The following CRACDL variants were observed in gnomAD, a reference collection of about 807,000 sequenced individuals.
CRACDL encodes CRACD-like protein.
In CRACDL, 26 loss-of-function variants were observed where a neutral mutation model predicts 70.6. The ratio of observed to expected loss-of-function variants is 0.37; its 90% CI spans 0.27 to 0.51. The LOEUF (loss-of-function observed/expected upper bound fraction) is 0.51, where lower values mean the gene tolerates loss of function less well. CRACDL is among the 20% of genes least tolerant of loss of function. The pLI is 0.94. For synonymous variants in CRACDL, 618 were observed against 615.2 expected (o/e 1.00, Z -0.07); for missense variants, 1,283 against 1,376.9 (o/e 0.93, Z 1.08).
chr2:98,833,107 C>T, intron 3 of CRACDL, 110 bp from the exon 4 acceptor site: 1 of 971,274 alleles, frequency 1.0e-6, no homozygotes. Flanking sequence ...AAACAACACT[C>T]CCTCTGCTGC....
intron 2 of CRACDL, among the ~76,000 whole-genome samples, chr2:98,839,083 TG>T (rs2104517798): frequency 6.6e-6 from 1 of 152,394 alleles, no homozygotes; most frequent in South Asian, 2.1e-4. Context: ...ACCAGGATGC[TG>T]TCTAATACAT....
At chr2:98,882,381 G>A (rs2104618093) in intron 1 of CRACDL, among the ~76,000 whole-genome samples, 1 of 152,340 alleles carries the variant, frequency 6.6e-6, no homozygotes, top group Admixed American at 6.5e-5. Flanking sequence ...CTATCCCCTG[G>A]CAAGAGTGGC....
chr2:98,812,882 A>G (rs1206823146), intron 7 of CRACDL, among the ~76,000 whole-genome samples: 1 of 152,200 alleles, frequency 6.6e-6, no homozygotes, highest in Non-Finnish European at 1.5e-5. Flanking sequence ...TGTCCAATTC[A>G]TCAAATTTTC....
At chr2:98,898,167 C>T (rs921962566) in intron 1 of CRACDL, among the ~76,000 whole-genome samples, 1 of 152,234 alleles carries the variant, frequency 6.6e-6, no homozygotes, top group African/African-American at 2.4e-5. Flanking sequence ...GGAAAATCCT[C>T]TGTTGGTCCC....
intron 7 of CRACDL, among the ~76,000 whole-genome samples, chr2:98,805,011 A>G (rs1028737086): frequency 7.9e-5 from 12 of 152,198 alleles, no homozygotes; most frequent in Admixed American, 3.3e-4. Flanking sequence ...GAGTCTAGAC[A>G]GGAATGATTT....
intron 3 of CRACDL, 94 bp downstream of exon 3, chr2:98,838,025 G>A (rs1705869837): frequency 7.3e-6 from 8 of 1,097,808 alleles, no homozygotes; most frequent in Non-Finnish European, 9.0e-6. Context: ...AATTACCCAG[G>A]AGGAAAGGGG....
In CRACDL at chr2:98,796,926, A is replaced by G. The variant is rs192234561; in HGVS notation, c.2604+424T>C. On this transcript the variant is annotated intron_variant, in intron 8 of 9. Transcript: ENST00000397899. ...AGCTCCAGCATGTGGCCGGTGGAGCAGCAAAGAGCAGGGCTCGCTCCTCAC... is the reference window on the plus strand; with the variant it reads ...AGCTCCAGCATGTGGCCGGTGGAGCGGCAAAGAGCAGGGCTCGCTCCTCAC... 4.5e-3 allele frequency among the ~76,000 whole-genome samples: 686 copies of G among 152,316 alleles called. 1 individual carries two copies. The highest frequency in any genetic ancestry group is 0.015 in the African/African-American group (610 of 41,576).
At chr2:98,880,825 G>A (rs780973573) in intron 1 of CRACDL, among the ~76,000 whole-genome samples, 6 of 152,228 alleles carry the variant, frequency 3.9e-5, no homozygotes, top group Non-Finnish European at 7.3e-5. Flanking sequence ...TGGCCACTGT[G>A]ACAGATGGTC....
intron 1 of CRACDL, among the ~76,000 whole-genome samples, chr2:98,870,330 T>G (rs866510108): frequency 6.6e-6 from 1 of 152,240 alleles, no homozygotes; most frequent in South Asian, 2.1e-4. Flanking sequence ...AAATGGCAAC[T>G]GTATATAGAA....
At chr2:98,882,726 T>C (rs1707687800) in intron 1 of CRACDL, among the ~76,000 whole-genome samples, 1 of 152,074 alleles carries the variant, frequency 6.6e-6, no homozygotes, top group African/African-American at 2.4e-5. Context: ...GCTGGCTGAG[T>C]GATGTCAAAC....
intron 1 of CRACDL, among the ~76,000 whole-genome samples, chr2:98,899,601 T>G (rs922077070): frequency 6.6e-6 from 1 of 151,716 alleles, no homozygotes; most frequent in Non-Finnish European, 1.5e-5. Flanking sequence ...GAGCAAGATG[T>G]GCTCAGCAGT....
chr2:98,882,567 G>T (rs1276820486), intron 1 of CRACDL, among the ~76,000 whole-genome samples: 1 of 152,226 alleles, frequency 6.6e-6, no homozygotes, highest in African/African-American at 2.4e-5. Flanking sequence ...TGGGGACTCT[G>T]TTGGGAGTCC....
At chr2:98,862,565 T>C (rs1382888225) in intron 1 of CRACDL, among the ~76,000 whole-genome samples, 2 of 152,036 alleles carry the variant, frequency 1.3e-5, no homozygotes, top group South Asian at 2.1e-4. Context: ...CCAAACAAAA[T>C]TGAAATATCA....
intron 1 of CRACDL, among the ~76,000 whole-genome samples, chr2:98,888,855 C>T (rs888229977): frequency 5.9e-5 from 9 of 152,208 alleles, no homozygotes; most frequent in East Asian, 1.9e-4. Context: ...CCAAGCCGGG[C>T]GCAGTGGCTC....
chr2:98,834,411 C>A (rs1705680955), intron 3 of CRACDL, among the ~76,000 whole-genome samples: 1 of 152,186 alleles, frequency 6.6e-6, no homozygotes, highest in South Asian at 2.1e-4. Flanking sequence ...AAGGTCTCTA[C>A]ACGCTGCATG....
intron 1 of CRACDL, among the ~76,000 whole-genome samples, chr2:98,891,383 A>AAAAAAAAAAAAC (rs1707976277): frequency 8.0e-6 from 1 of 124,322 alleles, no homozygotes. Flanking sequence ...TCTCAAAAAA[A>AAAAAAAAAAAAC]AAAAAAAAAA....
At chr2:98,808,891 G>A (rs969786642) in intron 7 of CRACDL, among the ~76,000 whole-genome samples, 1 of 152,164 alleles carries the variant, frequency 6.6e-6, no homozygotes, top group Non-Finnish European at 1.5e-5. Flanking sequence ...GGGGATGGGC[G>A]GCACTGCTTA....
At chr2:98,796,760 G>A (rs190088876) in intron 8 of CRACDL, among the ~76,000 whole-genome samples, 1 of 152,256 alleles carries the variant, frequency 6.6e-6, no homozygotes, top group East Asian at 1.9e-4. Context: ...GATTCATCAC[G>A]GTGCTATTGG....
intron 6 of CRACDL, among the ~76,000 whole-genome samples, chr2:98,826,333 T>A (rs1337422575): frequency 6.6e-6 from 1 of 152,206 alleles, no homozygotes; most frequent in African/African-American, 2.4e-5. Context: ...GTTAATTCAC[T>A]CATTTGTTTG....
Sources: gnomAD v4.1 joint callset for allele counts (sites outside exome capture counted in the v4.1 genomes callset) on GRCh38, gnomAD v4.1.1 for gene constraint, MANE v1.5 for transcripts, NCBI Gene and HGNC (gene_info 2026-07-23, HGNC 2026-07-21) for gene names.